HSPA12A: variants seen among roughly 807,000 people sequenced by gnomAD.
HSPA12A encodes the protein heat shock protein family A (Hsp70) member 12A, also known as heat shock 70 kDa protein 12A.
HSPA12A carries 28 observed loss-of-function variants against 69.2 expected under a neutral mutation model. The ratio of observed to expected loss-of-function variants is 0.40; its 90% CI spans 0.30 to 0.55. The LOEUF is 0.55. HSPA12A is among the 20% of genes least tolerant of loss of function. The pLI is 0.38. For synonymous variants in HSPA12A, 345 were observed against 370.5 expected, an observed-to-expected ratio of 0.93 and a Z score of 0.79; for missense variants, 686 against 900.7, an observed-to-expected ratio of 0.76 and a Z score of 3.05.
rs545898611 is a variant in HSPA12A at position 116,841,832 on chromosome 10, G to A, written c.4-6810C>T. On this transcript the variant is annotated intron_variant, in intron 1 of 12. Coordinates refer to the HSPA12A transcript ENST00000635765. ...AGAACTGTAGTTCTAAAACTTCTTA[G>A]GACAAAATAGCTGCCAACTCTAAAA... 8.6e-4 allele frequency among the ~76,000 whole-genome samples: 130 copies of A among 150,342 alleles called. 2 individuals carry two copies. The South Asian group carries it at 0.026, about 30-fold the overall frequency.
At chr10:116,722,195 T>C (rs1850803112) in intron 1 of HSPA12A, among the ~76,000 whole-genome samples, 1 of 152,144 alleles carries the variant, frequency 6.6e-6, no homozygotes, top group Admixed American at 6.5e-5. Flanking sequence ...AGCGGCCATC[T>C]CCTCTGCAGA....
At chr10:116,748,220 C>T (rs145807537) in intron 2 of HSPA12A, among the ~76,000 whole-genome samples, 2 of 152,282 alleles carry the variant, frequency 1.3e-5, no homozygotes, top group Non-Finnish European at 2.9e-5. Context: ...CTCACTGGGG[C>T]ATGTCTGCAC....
chr10:116,727,853 G>A (rs868921315), intron 1 of HSPA12A, among the ~76,000 whole-genome samples: 9 of 150,770 alleles, frequency 6.0e-5, no homozygotes, highest in African/African-American at 1.9e-4. Context: ...GGCCTCCTGG[G>A]TTTAAGTGAT....
At chr10:116,760,302 C>T (rs192865524) in intron 2 of HSPA12A, among the ~76,000 whole-genome samples, 1 of 152,242 alleles carries the variant, frequency 6.6e-6, no homozygotes, top group East Asian at 1.9e-4. Flanking sequence ...AGAACTCTAA[C>T]CAGCCCATCA....
At chr10:116,700,885 G>A in intron 4 of HSPA12A, 58 bp downstream of exon 4, 1 of 1,558,990 alleles carries the variant, frequency 6.4e-7, no homozygotes, top group Non-Finnish European at 8.8e-7. Context: ...CCCCAAGGCT[G>A]GAGGAAGCTT....
chr10:116,702,900 T>A (rs1441153200), intron 3 of HSPA12A, among the ~76,000 whole-genome samples: 1 of 152,214 alleles, frequency 6.6e-6, no homozygotes, highest in Non-Finnish European at 1.5e-5. Context: ...ACTATGGTGG[T>A]GCTTCATAAG....
In HSPA12A at chr10:116,675,169, T is replaced by C; in HGVS notation, c.1640A>G (p.Glu547Gly). ...YGVGVLNRYV[E>G]GKHPPEKLLV... ...CAGCTTCTCAGGCGGGTGCTTGCCCTCCACGTAGCGGTTCAGCACGCCTAC... is the reference window on the plus strand; with the variant it reads ...CAGCTTCTCAGGCGGGTGCTTGCCCCCCACGTAGCGGTTCAGCACGCCTAC... The change falls in exon 12 of 12, where the codon GAG becomes GGG. Residue 547 changes from glutamate (E) to glycine (G), a missense_variant. Coordinates refer to ENST00000369209, the MANE Select transcript of HSPA12A (RefSeq NM_025015.3). This position sits in a 1 kb window ranked among gnomAD's most constrained non-coding sequence, Gnocchi z 5.2. 1 of 1,613,596 alleles carries C rather than the reference T, an allele frequency of 6.2e-7. No individual in the cohort carries two copies. The highest frequency in any genetic ancestry group is 8.5e-7 in the Non-Finnish European group (1 of 1,179,950).
chr10:116,804,610 T>A (rs1589716786), intron 2 of HSPA12A, among the ~76,000 whole-genome samples: 2 of 152,278 alleles, frequency 1.3e-5, no homozygotes, highest in East Asian at 3.9e-4. Context: ...GAGGAAATGT[T>A]CCTGCGTGTT....
chr10:116,744,403 G>A (rs1240344810), upstream of HSPA12A, among the ~76,000 whole-genome samples: 1 of 152,202 alleles, frequency 6.6e-6, no homozygotes, highest in Non-Finnish European at 1.5e-5. Flanking sequence ...CAGGGCATCA[G>A]GACATTGGCC....
chr10:116,804,170 C>T (rs530030834), intron 2 of HSPA12A, among the ~76,000 whole-genome samples: 51 of 152,306 alleles, frequency 3.3e-4, no homozygotes, highest in Admixed American at 5.9e-4. Flanking sequence ...ACGATGCACG[C>T]ATTTTCTTAA....
intron 2 of HSPA12A, among the ~76,000 whole-genome samples, chr10:116,758,512 C>T (rs1185251337): frequency 2.0e-5 from 3 of 152,120 alleles, no homozygotes; most frequent in Non-Finnish European, 1.5e-5. Context: ...CAGAGCTCAT[C>T]TTACTGGACA....
At chr10:116,844,277 A>G (rs1845845992) in intron 1 of HSPA12A, among the ~76,000 whole-genome samples, 1 of 152,220 alleles carries the variant, frequency 6.6e-6, no homozygotes, top group African/African-American at 2.4e-5. Context: ...GCATACAAAA[A>G]TGCCCAATCA....
chr10:116,774,708 C>T (rs1216559452), intron 2 of HSPA12A, among the ~76,000 whole-genome samples: 2 of 152,244 alleles, frequency 1.3e-5, no homozygotes, highest in African/African-American at 4.8e-5. Context: ...TGCACCCCTT[C>T]ATTCACCCAC....
At position 116,675,979 on chromosome 10, in the gene HSPA12A, G is replaced by A. The variant is rs928199774; in HGVS notation, c.1390+420C>T. ...ACAGTTCCTTCTCCCCTAGCAGGGT[G>A]AGGATGTCTAACATGTCCCAGTAAA... On this transcript the variant is annotated intron_variant, in intron 11 of 11. Transcript: ENST00000369209. This position sits in a 1 kb window ranked among gnomAD's most constrained non-coding sequence, Gnocchi z 5.2. Among the ~76,000 whole-genome samples, 7 of 152,226 alleles carry A rather than the reference G, an allele frequency of 4.6e-5. No individual in the cohort carries two copies. The East Asian group carries it at 1.3e-3, about 29-fold the overall frequency.
chr10:116,792,340 C>G (rs140084210), intron 2 of HSPA12A, among the ~76,000 whole-genome samples: 1 of 149,146 alleles, frequency 6.7e-6, no homozygotes, highest in African/African-American at 2.5e-5. Flanking sequence ...ACAAAGAGTT[C>G]GGAGTGAGAG....
rs782406862 is a variant in HSPA12A, at chr10:116,675,174, G to A, written c.1635C>T (p.Tyr545=). Residue 545 remains tyrosine, a synonymous_variant, in exon 12 of 12, where the codon TAC becomes TAT. Coordinates refer to ENST00000369209, the MANE Select transcript of HSPA12A (RefSeq NM_025015.3). The surrounding 1 kb of genome is among the most constrained non-coding windows in gnomAD (Gnocchi z 5.2). The part of the protein sequence containing the change: ...LTYGVGVLNR[Y]VEGKHPPEKL... Reference sequence around the variant, plus strand: ...TCTCAGGCGGGTGCTTGCCCTCCACGTAGCGGTTCAGCACGCCTACCCCGT... The same window carrying A: ...TCTCAGGCGGGTGCTTGCCCTCCACATAGCGGTTCAGCACGCCTACCCCGT... 6.2e-6 allele frequency: 10 copies of A among 1,613,778 alleles called. No homozygotes were observed. The highest frequency in any genetic ancestry group is 1.6e-4 in the Middle Eastern group (1 of 6,062).
chr10:116,799,349 C>T (rs1004231662), intron 2 of HSPA12A, among the ~76,000 whole-genome samples: 5 of 152,196 alleles, frequency 3.3e-5, no homozygotes, highest in Non-Finnish European at 7.3e-5. Flanking sequence ...TTCTACTCAA[C>T]AGCTTATTTT....
intron 1 of HSPA12A, among the ~76,000 whole-genome samples, chr10:116,841,455 C>T (rs939432646): frequency 4.6e-5 from 7 of 152,096 alleles, no homozygotes; most frequent in Non-Finnish European, 8.8e-5. Flanking sequence ...ATAATAATTA[C>T]ATTATTTAAT....
chr10:116,785,826 G>A (rs1358425547), intron 2 of HSPA12A, among the ~76,000 whole-genome samples: 1 of 151,798 alleles, frequency 6.6e-6, no homozygotes, highest in Non-Finnish European at 1.5e-5. Context: ...GCCTTTCCCC[G>A]CTGAGCCCTC....
Sources: gnomAD v4.1 joint callset for allele counts (sites outside exome capture counted in the v4.1 genomes callset) on GRCh38, gnomAD v4.1.1 for gene constraint, Gnocchi (gnomAD v3.1) non-coding constraint, MANE v1.5 for transcripts, NCBI Gene and HGNC (gene_info 2026-07-23, HGNC 2026-07-21) for gene names.